The following KSR2 variants were observed in gnomAD, a reference collection of about 807,000 sequenced individuals.
The protein encoded by KSR2 is kinase suppressor of ras 2.
Under a neutral mutation model 107.8 loss-of-function variants are expected in KSR2, and 25 were observed. The observed-to-expected ratio is 0.23, with a 90% CI of 0.17 to 0.32. The LOEUF is 0.32. KSR2 is among the 10% of genes least tolerant of loss of function. KSR2 has a pLI of 1.00. For missense variants in KSR2, 887 were observed against 1,268.9 expected (o/e 0.70, Z 4.57); for synonymous variants, 480 against 507.0 (o/e 0.95, Z 0.71).
Position 117,569,431 on chromosome 12 carries a change from G to A in KSR2, c.1325+9688C>T, listed in dbSNP as rs114486146. ...TCTGGCCAGCCACTGCAGGCAGGAG[G>A]AAAGAGGACTCGTATAAAGGCCATG... On this transcript the variant is annotated intron_variant, in intron 7 of 19. Coordinates refer to ENST00000339824, the MANE Select transcript of KSR2 (RefSeq NM_173598.6). 9.8e-3 allele frequency among the ~76,000 whole-genome samples: 1,496 copies of A among 152,274 alleles called. 34 individuals carry two copies. Among genetic ancestry groups the A allele is most frequent in the African/African-American group, 0.034 (1,428 of 41,542 alleles).
At chr12:117,627,069 C>T (rs1160942728) in intron 5 of KSR2, among the ~76,000 whole-genome samples, 1 of 151,506 alleles carries the variant, frequency 6.6e-6, no homozygotes, top group Non-Finnish European at 1.5e-5. Flanking sequence ...CTTCCTCCAT[C>T]CCTTTATTTT....
At chr12:117,636,330 T>G (rs1402740443) in intron 5 of KSR2, among the ~76,000 whole-genome samples, 1 of 114,838 alleles carries the variant, frequency 8.7e-6, no homozygotes, top group Non-Finnish European at 1.7e-5. Flanking sequence ...AAAATAAATC[T>G]TATGTACTCC....
rs181117686 is a variant in KSR2 at position 117,557,943 on chromosome 12, G to T, written c.1393+563C>A. 3.4e-3 allele frequency among the ~76,000 whole-genome samples: 510 copies of T among 152,232 alleles called. 4 individuals carry two copies. Among genetic ancestry groups the T allele is most frequent in the African/African-American group, 0.01 (433 of 41,538 alleles). On this transcript the variant is annotated intron_variant, in intron 8 of 19. Coordinates refer to ENST00000339824, the MANE Select transcript of KSR2 (RefSeq NM_173598.6). The stretch of plus-strand genomic sequence containing the variant: ...GCCTTTCCTTCTGTCTTTCCTTCCA[G>T]CCAGATTCGTCTTGCTTTTGCAGTG...
At chr12:117,634,981 C>T (rs918303225) in intron 5 of KSR2, among the ~76,000 whole-genome samples, 1 of 152,136 alleles carries the variant, frequency 6.6e-6, no homozygotes, top group Non-Finnish European at 1.5e-5. Flanking sequence ...GTCAAGGAGG[C>T]AATGCCACAT....
At chr12:117,927,151 G>A (rs1037499583) in intron 1 of KSR2, among the ~76,000 whole-genome samples, 3 of 152,164 alleles carry the variant, frequency 2.0e-5, no homozygotes, top group African/African-American at 7.2e-5. Flanking sequence ...CGAGGCGGGT[G>A]GATCCCTTGA....
chr12:117,559,603 A>G (rs1039045694), intron 7 of KSR2, among the ~76,000 whole-genome samples: 7 of 152,160 alleles, frequency 4.6e-5, no homozygotes, highest in Non-Finnish European at 8.8e-5. Context: ...GACACATTCA[A>G]CCAGGGCTTC....
intron 4 of KSR2, among the ~76,000 whole-genome samples, chr12:117,695,979 G>A (rs1565965851): frequency 6.6e-6 from 1 of 152,170 alleles, no homozygotes. Context: ...AGCACAGTGA[G>A]AGAAGCCATC....
intron 14 of KSR2, among the ~76,000 whole-genome samples, chr12:117,487,554 T>G (rs896852828): frequency 2.6e-5 from 4 of 152,140 alleles, no homozygotes; most frequent in African/African-American, 9.7e-5. Flanking sequence ...AATTACTCCA[T>G]GTTGACATTT....
chr12:117,885,555 GT>G (rs1230529403), intron 1 of KSR2, among the ~76,000 whole-genome samples: 1 of 151,656 alleles, frequency 6.6e-6, no homozygotes, highest in African/African-American at 2.4e-5. Flanking sequence ...TTATAGGTGT[GT>G]ATAAACACAT....
chr12:117,761,739 A>T (rs1889035577), intron 3 of KSR2, among the ~76,000 whole-genome samples: 1 of 152,172 alleles, frequency 6.6e-6, no homozygotes. Context: ...CATCATATGC[A>T]TGTTACACTA....
At chr12:117,793,176 A>ACT in intron 3 of KSR2, among the ~76,000 whole-genome samples, 1 of 140,930 alleles carries the variant, frequency 7.1e-6, no homozygotes, top group South Asian at 2.3e-4. Flanking sequence ...CAACATGTAC[A>ACT]CACACCAATG....
chr12:117,571,342 T>C (rs928814223), intron 7 of KSR2, among the ~76,000 whole-genome samples: 1 of 152,084 alleles, frequency 6.6e-6, no homozygotes, highest in Non-Finnish European at 1.5e-5. Flanking sequence ...TGGTTTCAGG[T>C]GAATCCAGTC....
intron 4 of KSR2, among the ~76,000 whole-genome samples, chr12:117,733,651 C>T (rs917927279): frequency 3.9e-5 from 6 of 152,162 alleles, no homozygotes; most frequent in Non-Finnish European, 8.8e-5. Flanking sequence ...CAGCCCCTGT[C>T]ACAGATGCTA....
At chr12:117,549,597 T>C (rs1274793299) in intron 9 of KSR2, among the ~76,000 whole-genome samples, 1 of 151,796 alleles carries the variant, frequency 6.6e-6, no homozygotes, top group Non-Finnish European at 1.5e-5. Flanking sequence ...CCTCAGTAAA[T>C]GTGTGCTGGA....
chr12:117,790,027 C>T (rs10774956), intron 3 of KSR2, among the ~76,000 whole-genome samples: 85,880 of 151,956 alleles, frequency 0.57, 25,588 homozygotes, highest in East Asian at 0.77. Flanking sequence ...ACGCTTCCAC[C>T]GTCACACCTG....
intron 1 of KSR2, among the ~76,000 whole-genome samples, chr12:117,931,545 C>T (rs1437010467): frequency 6.6e-6 from 1 of 152,158 alleles, no homozygotes; most frequent in African/African-American, 2.4e-5. Context: ...ACAACCCAGT[C>T]CAAACCACTG....
chr12:117,520,818 A>G (rs536430747), intron 14 of KSR2, among the ~76,000 whole-genome samples: 1 of 151,988 alleles, frequency 6.6e-6, no homozygotes, highest in African/African-American at 2.4e-5. Context: ...GAGGGTTCAA[A>G]CCTGGCTGTG....
chr12:117,763,511 C>T (rs1889121498), intron 3 of KSR2, among the ~76,000 whole-genome samples: 1 of 152,162 alleles, frequency 6.6e-6, no homozygotes. Context: ...AATGTGCAGG[C>T]TTCAAAACCA....
rs373577618 is a variant in KSR2 at position 117,852,364 on chromosome 12, G to T, written c.472+3064C>A. On this transcript the variant is annotated intron_variant, in intron 3 of 19. Coordinates refer to ENST00000339824, the MANE Select transcript of KSR2 (RefSeq NM_173598.6). ...AACTGTTTGAACCCAGGAGGTGGAG[G>T]TTACAATGAGCCGAGGTCGCACCAC... is the stretch of plus-strand genomic sequence containing the variant. Among the ~76,000 whole-genome samples the T allele has an allele frequency of 8.6e-5, 13 of 151,986 alleles. No homozygotes were observed. The East Asian group carries it at 2.3e-3, about 27-fold the overall frequency.
Sources: allele counts gnomAD v4.1 joint callset (sites outside exome capture counted in the v4.1 genomes callset), GRCh38; gene constraint gnomAD v4.1.1; transcripts MANE v1.5; gene names NCBI Gene and HGNC (gene_info 2026-07-23, HGNC 2026-07-21).